The following PRDX6 variants were observed in gnomAD, a reference collection of about 807,000 sequenced individuals.
PRDX6 encodes peroxiredoxin-6.
In PRDX6, 13 loss-of-function variants were observed where a neutral mutation model predicts 20.0. That is an observed-to-expected ratio of 0.65 (90% CI 0.42 to 1.03). PRDX6 has a LOEUF of 1.03. Ranked by LOEUF, PRDX6 falls within the 50% of genes least tolerant of loss-of-function variation. PRDX6 has a pLI of 0.00. For missense variants in PRDX6, 203 were observed against 276.9 expected, an observed-to-expected ratio of 0.73 and a Z score of 1.89; for synonymous variants, 85 against 100.8, an observed-to-expected ratio of 0.84 and a Z score of 0.94.
At chr1:173,483,284 A>G (rs1359113374) in intron 2 of PRDX6, among the ~76,000 whole-genome samples, 1 of 152,246 alleles carries the variant, frequency 6.6e-6, no homozygotes, top group Non-Finnish European at 1.5e-5. Context: ...AACTATCAGA[A>G]GCAGTGCCGC....
At chr1:173,478,384 C>A (rs1273835327) in intron 1 of PRDX6, among the ~76,000 whole-genome samples, 2 of 152,170 alleles carry the variant, frequency 1.3e-5, no homozygotes, top group Non-Finnish European at 2.9e-5. Context: ...CAGTGGCTTG[C>A]CCCTCACTGT....
chr1:173,478,845 T>C (rs991793838), intron 1 of PRDX6, among the ~76,000 whole-genome samples: 13 of 152,192 alleles, frequency 8.5e-5, no homozygotes, highest in Non-Finnish European at 1.8e-4. Context: ...AGTTAAGCTT[T>C]GTGAAAGATA....
At chr1:173,480,565 C>T (rs1027186109) in intron 1 of PRDX6, among the ~76,000 whole-genome samples, 2 of 152,130 alleles carry the variant, frequency 1.3e-5, no homozygotes, top group Admixed American at 1.3e-4. Flanking sequence ...TTAGTATTTA[C>T]CTAAGAATTT....
chr1:173,477,444 C>G lies in PRDX6; in HGVS notation c.47C>G (p.Ala16Gly). 1 of 1,608,626 alleles carries G rather than the reference C, an allele frequency of 6.2e-7. No homozygotes were observed. The highest frequency in any genetic ancestry group is 8.5e-7 in the Non-Finnish European group (1 of 1,177,822). ...LLGDVAPNFE[A>G]NTTVGRIRFH... Reference sequence around the variant, plus strand: ...GGGGACGTGGCTCCCAACTTTGAGGCCAATACCACCGTCGGCCGCATCCGT... The same window carrying G: ...GGGGACGTGGCTCCCAACTTTGAGGGCAATACCACCGTCGGCCGCATCCGT... The change falls in exon 1 of 5, where the codon GCC becomes GGC. Residue 16 changes from alanine to glycine, a missense_variant. Ala to Gly is a moderately conservative substitution (Grantham distance 60). Coordinates refer to ENST00000340385, the MANE Select transcript of PRDX6 (RefSeq NM_004905.3).
At chr1:173,483,747 C>G (rs577086761) in intron 2 of PRDX6, among the ~76,000 whole-genome samples, 1 of 152,208 alleles carries the variant, frequency 6.6e-6, no homozygotes, top group East Asian at 1.9e-4. Flanking sequence ...TAAACTCTAT[C>G]CAACTAAGTT....
chr1:173,480,898 G>A (rs1417192520), intron 1 of PRDX6, among the ~76,000 whole-genome samples: 2 of 152,130 alleles, frequency 1.3e-5, no homozygotes, highest in Non-Finnish European at 2.9e-5. Flanking sequence ...AGGGCATACT[G>A]GGACATCCAT....
chr1:173,483,293 G>A (rs896443468), intron 2 of PRDX6, among the ~76,000 whole-genome samples: 1 of 152,150 alleles, frequency 6.6e-6, no homozygotes, highest in African/African-American at 2.4e-5. Flanking sequence ...AAGCAGTGCC[G>A]CAACTTTGAC....
chr1:173,484,140 AGATATATATATT>A (rs1478053459), intron 2 of PRDX6, among the ~76,000 whole-genome samples: 7 of 92,478 alleles, frequency 7.6e-5, no homozygotes, highest in Admixed American at 6.4e-4. Context: ...AAAAAAAATT[AGATATATATATT>A]TATATATATA....
At position 173,488,011 on chromosome 1, in the gene PRDX6, T is replaced by G. The variant is rs538233696; in HGVS notation, c.*148T>G. 3 of 920,504 alleles carry G rather than the reference T, an allele frequency of 3.3e-6. No individual in the cohort carries two copies. Among genetic ancestry groups the G allele is most frequent in the East Asian group, 5.3e-5 (2 of 37,980 alleles). 57.0% of individuals were successfully genotyped at this position (920,504 alleles called of 1,614,324 possible). On this transcript the variant is annotated 3_prime_UTR_variant, in exon 5 of 5. Coordinates refer to ENST00000340385, the MANE Select transcript of PRDX6 (RefSeq NM_004905.3). ...ATGGCTTATTAAATGAAAATGGCAC[T>G]AAAAGTTTCTTGAGATTCTTTATAC... is the stretch of plus-strand genomic sequence containing the variant.
Position 173,484,184 on chromosome 1 carries a change from A to ACT in PRDX6, c.253-1176_253-1175insTC, listed in dbSNP as rs538152038. Among the ~76,000 whole-genome samples, 584 of 145,004 alleles carry ACT rather than the reference A, an allele frequency of 4.0e-3. 6 individuals carry two copies. The highest frequency in any genetic ancestry group is 0.014 in the African/African-American group (555 of 38,918). On this transcript the variant is annotated intron_variant, in intron 2 of 4. Coordinates refer to ENST00000340385, the MANE Select transcript of PRDX6 (RefSeq NM_004905.3). The stretch of plus-strand genomic sequence containing the variant: ...TATATATATTTATATATATACACAC[A>ACT]CACACACATACATATATATACATAT...
chr1:173,477,658 C>T (rs1344687199), intron 1 of PRDX6, among the ~76,000 whole-genome samples, 166 bp downstream of exon 1: 1 of 152,216 alleles, frequency 6.6e-6, no homozygotes, highest in Non-Finnish European at 1.5e-5. Context: ...GGCCTCTGCT[C>T]AGCGTCGGCT....
chr1:173,482,265 G>A (rs564745283), intron 2 of PRDX6, among the ~76,000 whole-genome samples: 49 of 152,266 alleles, frequency 3.2e-4, no homozygotes, highest in African/African-American at 1.0e-3. Context: ...TCAACTCACA[G>A]GACATTTCAT....
At position 173,488,052 on chromosome 1, in the gene PRDX6, A is replaced by G. The variant is rs573473830; in HGVS notation, c.*189A>G. 3.2e-6 allele frequency: 2 copies of G among 619,842 alleles called. No homozygotes were observed. Among genetic ancestry groups the G allele is most frequent in the South Asian group, 2.2e-5 (1 of 46,188 alleles). 38.4% of individuals were successfully genotyped at this position (619,842 alleles called of 1,614,324 possible). A position where few individuals can be genotyped will look rare whatever the true frequency, so the allele number is the denominator to read the frequency against. ...TTCTTTATACTCTCTGCCTTCAGCA[A>G]TCAATTCCATTCATACATCAGCACT... On this transcript the variant is annotated 3_prime_UTR_variant, in exon 5 of 5. Coordinates refer to ENST00000340385, the MANE Select transcript of PRDX6 (RefSeq NM_004905.3).
intron 2 of PRDX6, among the ~76,000 whole-genome samples, chr1:173,482,686 T>C (rs780628892): frequency 6.6e-6 from 1 of 152,186 alleles, no homozygotes; most frequent in Non-Finnish European, 1.5e-5. Context: ...TGTATTGACT[T>C]GTGAGTTAGG....
chr1:173,483,997 A>G (rs1466731005), intron 2 of PRDX6, among the ~76,000 whole-genome samples: 2 of 150,936 alleles, frequency 1.3e-5, no homozygotes, highest in East Asian at 2.0e-4. Context: ...CCAGCTATTC[A>G]GGAGGCTGAG....
chr1:173,485,318 T>C, intron 2 of PRDX6, 43 bp from the exon 3 acceptor site: 2 of 1,492,166 alleles, frequency 1.3e-6, no homozygotes, highest in African/African-American at 1.4e-5. Context: ...TCAGAGCATG[T>C]GTTGGGTTTA....
rs1658934189 is a variant in PRDX6 at position 173,488,258 on chromosome 1, T to C, written c.*395T>C. The C allele has an allele frequency of 6.4e-6, 1 of 156,390 alleles. No homozygotes were observed. The highest frequency in any genetic ancestry group is 6.4e-5 in the Admixed American group (1 of 15,624). 9.7% of individuals were successfully genotyped at this position (156,390 alleles called of 1,614,324 possible). ...ATCACGTCCTCTCCTGTCACCCATTTTGAAGAGTGGCAGAACTTGAAGTTC... is the reference window on the plus strand; with the variant it reads ...ATCACGTCCTCTCCTGTCACCCATTCTGAAGAGTGGCAGAACTTGAAGTTC... On this transcript the variant is annotated 3_prime_UTR_variant, in exon 5 of 5. Coordinates refer to ENST00000340385, the MANE Select transcript of PRDX6 (RefSeq NM_004905.3).
intron 2 of PRDX6, among the ~76,000 whole-genome samples, chr1:173,483,571 TTTG>T (rs1170358252): frequency 1.3e-5 from 2 of 151,912 alleles, no homozygotes; most frequent in Non-Finnish European, 2.9e-5. Context: ...ATAAAAAGAA[TTTG>T]TTGTTATCCA....
In PRDX6 at chr1:173,487,907, G is replaced by A. The variant is rs750283878; in HGVS notation, c.*44G>A. On this transcript the variant is annotated 3_prime_UTR_variant, in exon 5 of 5. Transcript: ENST00000340385. ...TGCTGTGAGCCAGAGGATGTCAGCT[G>A]CCAATTGTGTTTTCCTGCAGCAATT... The A allele has an allele frequency of 6.2e-7, 1 of 1,605,948 alleles. No homozygotes were observed. The highest frequency in any genetic ancestry group is 1.7e-5 in the Admixed American group (1 of 59,330).
Sources: allele counts gnomAD v4.1 joint callset (sites outside exome capture counted in the v4.1 genomes callset), GRCh38; gene constraint gnomAD v4.1.1; transcripts MANE v1.5; gene names NCBI Gene and HGNC (gene_info 2026-07-23, HGNC 2026-07-21).